Variants in PHF24 observed in about 807,000 individuals in gnomAD.
PHF24 encodes the protein PHD finger protein 24.
PHF24 carries 25 observed loss-of-function variants against 42.6 expected under a neutral mutation model. That is an observed-to-expected ratio of 0.59 (90% CI 0.43 to 0.82). The LOEUF is 0.82. PHF24 is among the 40% of genes least tolerant of loss of function. The pLI is 0.00. For missense variants in PHF24, 470 were observed against 538.1 expected (o/e 0.87, Z 1.25); for synonymous variants, 185 against 204.8 (o/e 0.90, Z 0.83).
At chr9:34,888,694 G>A in the PHF24 span, among the ~76,000 whole-genome samples, 1 of 152,332 alleles carries the variant, frequency 6.6e-6, no homozygotes, top group East Asian at 1.9e-4. Flanking sequence ...CCTCCAGGTT[G>A]TCAGCATATA....
At chr9:34,733,636 G>A in the PHF24 span, among the ~76,000 whole-genome samples, 1 of 151,930 alleles carries the variant, frequency 6.6e-6, no homozygotes, top group Admixed American at 6.6e-5. Flanking sequence ...TAGTAGCTGG[G>A]ATCACAGGCA....
chr9:34,761,314 G>GT, the PHF24 span, among the ~76,000 whole-genome samples: 113,222 of 151,638 alleles, frequency 0.75, 43,999 homozygotes, highest in East Asian at 0.94. Context: ...CACATTGTCA[G>GT]TTTTTTTTAA....
chr9:34,889,564 G>A, the PHF24 span: 5 of 398,440 alleles, frequency 1.3e-5, no homozygotes, highest in African/African-American at 2.1e-5. Context: ...TCATGCCTTC[G>A]ATCTTTCATT....
At chr9:34,790,213 C>T in the PHF24 span, among the ~76,000 whole-genome samples, 1 of 152,180 alleles carries the variant, frequency 6.6e-6, no homozygotes, top group African/African-American at 2.4e-5. Flanking sequence ...TTATCCTTAG[C>T]TGCAAAGATC....
At chr9:34,808,630 C>G in the PHF24 span, among the ~76,000 whole-genome samples, 8 of 151,966 alleles carry the variant, frequency 5.3e-5, no homozygotes, top group Non-Finnish European at 1.2e-4. Context: ...TGGTAAGGAC[C>G]TGGTCTCTAC....
chr9:34,933,126 G>A, the PHF24 span, among the ~76,000 whole-genome samples: 2 of 151,162 alleles, frequency 1.3e-5, no homozygotes, highest in African/African-American at 2.4e-5. Flanking sequence ...CCCTGCTAAC[G>A]AACTCCTTTT....
the PHF24 span, among the ~76,000 whole-genome samples, chr9:34,674,319 A>G: frequency 6.6e-6 from 1 of 152,162 alleles, no homozygotes. Context: ...CATCCCATCC[A>G]TTTATTTCTC....
At chr9:34,715,803 C>G in the PHF24 span, among the ~76,000 whole-genome samples, 2 of 152,180 alleles carry the variant, frequency 1.3e-5, no homozygotes, top group Non-Finnish European at 2.9e-5. Context: ...CACTACCTCT[C>G]TAGGACAGGC....
At chr9:34,786,677 G>A in the PHF24 span, among the ~76,000 whole-genome samples, 1 of 152,144 alleles carries the variant, frequency 6.6e-6, no homozygotes, top group African/African-American at 2.4e-5. Context: ...AAAACTTGTT[G>A]GTCATTTTCC....
chr9:34,795,826 A>T, the PHF24 span, among the ~76,000 whole-genome samples: 3 of 152,092 alleles, frequency 2.0e-5, no homozygotes, highest in Admixed American at 6.5e-5. Context: ...ACAAAATCCC[A>T]TCTCTACAAA....
the PHF24 span, among the ~76,000 whole-genome samples, chr9:34,670,491 CCT>C: frequency 6.6e-6 from 1 of 152,156 alleles, no homozygotes; most frequent in Non-Finnish European, 1.5e-5. Flanking sequence ...CTCCCCATCG[CCT>C]CTCTCTCCCT....
chr9:34,882,509 G>T, the PHF24 span, among the ~76,000 whole-genome samples: 3 of 151,034 alleles, frequency 2.0e-5, no homozygotes, highest in East Asian at 5.8e-4. Flanking sequence ...AGCAACTTCA[G>T]CAAAGTCTCA....
At chr9:34,726,815 A>G in the PHF24 span, 3 of 1,551,788 alleles carry the variant, frequency 1.9e-6, no homozygotes, top group South Asian at 2.4e-5. Flanking sequence ...AGACGTAGAC[A>G]GCATCTCTAG....
chr9:34,820,118 A>G, the PHF24 span, among the ~76,000 whole-genome samples: 2 of 150,128 alleles, frequency 1.3e-5, no homozygotes, highest in South Asian at 2.1e-4. Flanking sequence ...TTTCTTCTGA[A>G]TAATATTAGC....
At chr9:34,823,032 TAA>T in the PHF24 span, among the ~76,000 whole-genome samples, 1 of 148,062 alleles carries the variant, frequency 6.8e-6, no homozygotes, top group Non-Finnish European at 1.5e-5. Context: ...CCGTCTCTAC[TAA>T]AAATACAAAA....
the PHF24 span, among the ~76,000 whole-genome samples, chr9:34,775,081 A>T: frequency 6.6e-6 from 1 of 152,178 alleles, no homozygotes; most frequent in African/African-American, 2.4e-5. Context: ...TGAAAATGGG[A>T]ACTTGAAGAG....
the PHF24 span, among the ~76,000 whole-genome samples, chr9:34,696,144 C>T: frequency 3.9e-5 from 6 of 151,934 alleles, no homozygotes; most frequent in African/African-American, 1.5e-4. Flanking sequence ...TATATTGAGG[C>T]CAGAACCTCA....
the PHF24 span, among the ~76,000 whole-genome samples, chr9:34,769,234 G>C: frequency 6.6e-6 from 1 of 152,134 alleles, no homozygotes; most frequent in South Asian, 2.1e-4. Context: ...TCCTGCCTCA[G>C]CCTCCCTAGT....
At chr9:34,855,075 T>C in the PHF24 span, among the ~76,000 whole-genome samples, 479 of 152,330 alleles carry the variant, frequency 3.1e-3, no homozygotes, top group African/African-American at 0.011. Flanking sequence ...AAGTCTGTTT[T>C]GTCAGAAACT....
Sources: gnomAD v4.1 joint callset for allele counts (sites outside exome capture counted in the v4.1 genomes callset) on GRCh38, gnomAD v4.1.1 for gene constraint, MANE v1.5 for transcripts, NCBI Gene and HGNC (gene_info 2026-07-23, HGNC 2026-07-21) for gene names.